SEMA3A: variants seen among roughly 807,000 people sequenced by gnomAD.
SEMA3A encodes the protein semaphorin-3A.
Under a neutral mutation model 97.9 loss-of-function variants are expected in SEMA3A, and 29 were observed. That is an observed-to-expected ratio of 0.30 (90% CI 0.22 to 0.40). The LOEUF (loss-of-function observed/expected upper bound fraction) is 0.40, where lower values mean the gene tolerates loss of function less well. SEMA3A is among the 10% of genes least tolerant of loss of function. SEMA3A has a pLI of 1.00. For synonymous variants in SEMA3A, 321 were observed against 323.7 expected (o/e 0.99, Z 0.09); for missense variants, 763 against 951.3 (o/e 0.80, Z 2.60).
intron 4 of SEMA3A, among the ~76,000 whole-genome samples, chr7:84,086,604 A>ATAATATATTATTATATTATATTTACAT (rs1382445049): frequency 7.8e-5 from 11 of 141,488 alleles, no homozygotes; most frequent in East Asian, 6.0e-4. Context: ...TTATATTTAT[A>ATAATATATTATTATATTATATTTACAT]ATCCTCACAA....
At chr7:84,126,469 G>T (rs781386234) in intron 3 of SEMA3A, among the ~76,000 whole-genome samples, 2 of 152,148 alleles carry the variant, frequency 1.3e-5, no homozygotes, top group African/African-American at 2.4e-5. Flanking sequence ...GCCTCCCAAA[G>T]TGTTGGGATT....
intron 1 of SEMA3A, among the ~76,000 whole-genome samples, chr7:84,162,591 T>TA (rs201948096): frequency 6.5e-5 from 6 of 92,698 alleles, no homozygotes; most frequent in Admixed American, 1.2e-4. Context: ...CAATTTTTTT[T>TA]TAAAAAAAAA....
At chr7:83,966,690 A>C (rs555208788) in intron 15 of SEMA3A, among the ~76,000 whole-genome samples, 5 of 147,496 alleles carry the variant, frequency 3.4e-5, no homozygotes, top group African/African-American at 1.0e-4. Flanking sequence ...TGCGATCAGC[A>C]ATAATTATTA....
chr7:84,142,409 A>AT (rs1453293145), intron 1 of SEMA3A, among the ~76,000 whole-genome samples: 1 of 152,082 alleles, frequency 6.6e-6, no homozygotes, highest in Non-Finnish European at 1.5e-5. Context: ...GTTCATTCCC[A>AT]TTTTTTTCTC....
chr7:84,439,832 T>C (rs1805229866), intron 1 of SEMA3A, among the ~76,000 whole-genome samples: 1 of 152,166 alleles, frequency 6.6e-6, no homozygotes, highest in Non-Finnish European at 1.5e-5. Context: ...GAATACATAA[T>C]GAATTATTAA....
chr7:84,269,190 T>C (rs914572206), intron 3 of SEMA3A, among the ~76,000 whole-genome samples: 16 of 152,282 alleles, frequency 1.1e-4, no homozygotes, highest in African/African-American at 2.9e-4. Context: ...ATTTTCATCA[T>C]CCTATACAAC....
At chr7:83,975,204 A>ACACT (rs1789095101) in intron 15 of SEMA3A, among the ~76,000 whole-genome samples, 1 of 152,158 alleles carries the variant, frequency 6.6e-6, no homozygotes, top group Non-Finnish European at 1.5e-5. Context: ...ATATATATTT[A>ACACT]CACTCATAAC....
intron 3 of SEMA3A, among the ~76,000 whole-genome samples, chr7:84,214,264 G>T (rs1798694865): frequency 6.6e-6 from 1 of 152,110 alleles, no homozygotes; most frequent in African/African-American, 2.4e-5. Context: ...TGACAGTAAA[G>T]CTCCTATTGC....
chr7:84,450,351 A>G (rs1326839250), intron 1 of SEMA3A, among the ~76,000 whole-genome samples: 2 of 152,138 alleles, frequency 1.3e-5, no homozygotes, highest in Non-Finnish European at 2.9e-5. Context: ...GGCAGAATAT[A>G]CCAAGAATGC....
At chr7:84,282,116 C>T (rs1800452412) in intron 3 of SEMA3A, among the ~76,000 whole-genome samples, 1 of 152,100 alleles carries the variant, frequency 6.6e-6, no homozygotes, top group African/African-American at 2.4e-5. Context: ...ATAGAAATTC[C>T]ACCATCTGTG....
At chr7:83,989,980 T>C (rs1789829244) in intron 12 of SEMA3A, among the ~76,000 whole-genome samples, 1 of 152,012 alleles carries the variant, frequency 6.6e-6, no homozygotes. Flanking sequence ...CCAGCACCTG[T>C]TGTTTCCTGA....
At chr7:84,269,061 C>T (rs1800080203) in intron 3 of SEMA3A, among the ~76,000 whole-genome samples, 1 of 152,082 alleles carries the variant, frequency 6.6e-6, no homozygotes, top group African/African-American at 2.4e-5. Flanking sequence ...TTTAATCATT[C>T]TCTCTCAGAA....
intron 4 of SEMA3A, among the ~76,000 whole-genome samples, chr7:84,093,794 G>A (rs1243431689): frequency 3.3e-5 from 5 of 152,088 alleles, no homozygotes; most frequent in African/African-American, 1.2e-4. Flanking sequence ...TTGTGCCTCT[G>A]GGGAGTTGGA....
At chr7:84,049,116 T>C (rs1199182768) in intron 5 of SEMA3A, among the ~76,000 whole-genome samples, 1 of 152,074 alleles carries the variant, frequency 6.6e-6, no homozygotes, top group African/African-American at 2.4e-5. Context: ...CATTTATGAC[T>C]AAAGGAGAAT....
chr7:84,196,995 A>G (rs2116286476), upstream of SEMA3A, among the ~76,000 whole-genome samples: 1 of 152,280 alleles, frequency 6.6e-6, no homozygotes, highest in African/African-American at 2.4e-5. Context: ...ACATTTTTAT[A>G]TGCTCCAAAT....
intron 1 of SEMA3A, among the ~76,000 whole-genome samples, chr7:84,476,261 A>G (rs1806276765): frequency 6.6e-6 from 1 of 151,716 alleles, no homozygotes; most frequent in South Asian, 2.1e-4. Flanking sequence ...AGGAGGGCTG[A>G]GGCAGGAGAA....
At position 84,402,494 on chromosome 7, in the gene SEMA3A, G is replaced by T. The variant is rs533125071; in HGVS notation, c.-245-30594C>A. Among the ~76,000 whole-genome samples, 8 of 152,174 alleles carry T rather than the reference G, an allele frequency of 5.3e-5. 1 individual carries two copies. The South Asian group carries it at 1.5e-3, about 28-fold the overall frequency. ...TATAATTCATGAATCCCCCAGCTGG[G>T]TATGTATCCCAAAGAAAGGAAATCA... On this transcript the variant is annotated intron_variant, in intron 1 of 3. Coordinates refer to the SEMA3A transcript ENST00000424555.
chr7:84,239,893 T>C (rs1481085665), intron 3 of SEMA3A, among the ~76,000 whole-genome samples: 1 of 152,150 alleles, frequency 6.6e-6, no homozygotes, highest in Non-Finnish European at 1.5e-5. Context: ...CTGTCCCAAA[T>C]AAATATTAAG....
chr7:84,090,005 T>G (rs1368732060), intron 4 of SEMA3A, among the ~76,000 whole-genome samples: 2 of 152,044 alleles, frequency 1.3e-5, no homozygotes, highest in Non-Finnish European at 2.9e-5. Flanking sequence ...TGATTTGAAG[T>G]TAGATCTATT....
Sources: allele counts gnomAD v4.1 joint callset (sites outside exome capture counted in the v4.1 genomes callset), GRCh38; gene constraint gnomAD v4.1.1; transcripts MANE v1.5; gene names NCBI Gene and HGNC (gene_info 2026-07-23, HGNC 2026-07-21).